CACNA1H: variants seen among roughly 807,000 people sequenced by gnomAD.
CACNA1H encodes the protein calcium voltage-gated channel subunit alpha1 H.
CACNA1H carries 149 observed loss-of-function variants against 192.5 expected under a neutral mutation model. The observed-to-expected ratio is 0.77, with a 90% CI of 0.68 to 0.89. The LOEUF is 0.89. CACNA1H is among the 40% of genes least tolerant of loss of function. CACNA1H has a pLI of 0.00. For synonymous variants in CACNA1H, 2,202 were observed against 1,475.2 expected (o/e 1.49, Z -11.29); for missense variants, 4,257 against 3,423.5 (o/e 1.24, Z -6.08).
chr16:1,174,566 C>A (rs1964679095), intron 2 of CACNA1H, among the ~76,000 whole-genome samples: 1 of 152,088 alleles, frequency 6.6e-6, no homozygotes, highest in African/African-American at 2.4e-5. Context: ...CGAAGGGAAG[C>A]CCCTGCCACG....
At chr16:1,159,360 A>T (rs1429105177) in intron 2 of CACNA1H, among the ~76,000 whole-genome samples, 1 of 147,166 alleles carries the variant, frequency 6.8e-6, no homozygotes, top group Non-Finnish European at 1.5e-5. Context: ...GGGTGTGCCG[A>T]GGGAAGAACG....
At position 1,220,010 on chromosome 16, in the gene CACNA1H, G is replaced by T; in HGVS notation, c.6078G>T (p.Gly2026=). The change falls in exon 35 of 35, where the codon GGG becomes GGT. Residue 2026 remains glycine (G), a synonymous_variant. Transcript: ENST00000348261. ...QEAVHTDSLE[G]KIDSPRDTLD... is the part of the protein sequence containing the mutation. The stretch of plus-strand genomic sequence containing the variant: ...CTGTGCACACCGATTCCTTGGAAGG[G>T]AAGATTGACAGCCCTAGGGACACCC... 2.9e-6 allele frequency: 4 copies of T among 1,355,972 alleles called. No individual in the cohort carries two copies. The highest frequency in any genetic ancestry group is 2.0e-4 in the Middle Eastern group (1 of 5,112). 84.0% of individuals were successfully genotyped at this position (1,355,972 alleles called of 1,614,324 possible).
chr16:1,187,468 C>A (rs777152463), intron 2 of CACNA1H, among the ~76,000 whole-genome samples: 8 of 152,266 alleles, frequency 5.3e-5, no homozygotes, highest in Non-Finnish European at 1.5e-5. Flanking sequence ...GCCTTTCCCG[C>A]CCACACCCCT....
chr16:1,154,053 G>T lies in CACNA1H; in HGVS notation c.299+17G>T, dbSNP rs1236846190. ...CTGCAACCCATATCCTTCCCGGCCG[G>T]CGGGGGGCGGGGGGCGGGGGGCGTG... On this transcript the variant is annotated intron_variant, in intron 2 of 34. Coordinates refer to ENST00000348261, the MANE Select transcript of CACNA1H (RefSeq NM_021098.3). 1 of 861,462 alleles carries T rather than the reference G, an allele frequency of 1.2e-6. No individual in the cohort carries two copies. The highest frequency in any genetic ancestry group is 3.1e-5 in the South Asian group (1 of 32,784). The allele number at this position is 861,462 out of a possible 1,614,324, so 53.4% of individuals were successfully genotyped here.
chr16:1,216,248 C>T (rs931375387), intron 30 of CACNA1H, among the ~76,000 whole-genome samples: 10 of 152,226 alleles, frequency 6.6e-5, no homozygotes, highest in Non-Finnish European at 1.0e-4. Flanking sequence ...TGCCTCCCAC[C>T]TCAGCTGTCC....
At chr16:1,175,411 AG>A (rs1268293292) in intron 2 of CACNA1H, among the ~76,000 whole-genome samples, 1 of 152,114 alleles carries the variant, frequency 6.6e-6, no homozygotes, top group African/African-American at 2.4e-5. Context: ...GGGGGTTGAC[AG>A]GAGACAGGGT....
chr16:1,218,778 ATGGG>A, intron 33 of CACNA1H, 127 bp downstream of exon 33: 1 of 1,159,700 alleles, frequency 8.6e-7, no homozygotes, highest in East Asian at 2.6e-5. Flanking sequence ...GGGAAGGAGG[ATGGG>A]GGCAGGCAGG....
chr16:1,217,193 G>T (rs1006895491), intron 31 of CACNA1H, among the ~76,000 whole-genome samples, 183 bp downstream of exon 31: 3 of 152,222 alleles, frequency 2.0e-5, no homozygotes, highest in African/African-American at 7.2e-5. Context: ...GCCGAGTCTC[G>T]TGTTGACGCA....
chr16:1,215,684 T>C (rs992717198), intron 30 of CACNA1H, 91 bp downstream of exon 30: 4 of 1,011,466 alleles, frequency 4.0e-6, no homozygotes, highest in Non-Finnish European at 4.5e-6. Flanking sequence ...CCTCACTCGT[T>C]TCTCTGGTCC....
intron 2 of CACNA1H, chr16:1,160,162 C>A (rs957761549): frequency 6.6e-6 from 1 of 152,236 alleles, no homozygotes; most frequent in Non-Finnish European, 1.5e-5. Flanking sequence ...CCAGGCCGTC[C>A]GTCCAGCCGC....
intron 2 of CACNA1H, among the ~76,000 whole-genome samples, chr16:1,194,438 C>T (rs1221406779): frequency 6.6e-6 from 1 of 152,176 alleles, no homozygotes; most frequent in Non-Finnish European, 1.5e-5. Context: ...GACAGGGGCC[C>T]TGGAAAGTCT....
In CACNA1H at chr16:1,204,353, C is replaced by A. The variant is rs780502055; in HGVS notation, c.2346C>A (p.Phe782Leu). 48 of 1,579,450 alleles carry A rather than the reference C, an allele frequency of 3.0e-5. No individual in the cohort carries two copies. The highest frequency in any genetic ancestry group is 4.0e-5 in the Non-Finnish European group (46 of 1,163,112). The change falls in exon 10 of 35, where the codon TTC becomes TTA. Residue 782 changes from phenylalanine to leucine, a missense_variant. Physicochemically the swap from Phe to Leu is conservative, Grantham distance 22. Coordinates refer to ENST00000348261, the MANE Select transcript of CACNA1H (RefSeq NM_021098.3). ...GGATGGGCCGCCTCTGGGTTACCTT[C>A]AGCGGCAAGCTGCGCCGCATCGTGG... ...PGWMGRLWVT[F>L]SGKLRRIVDS...
At chr16:1,187,672 C>G (rs1432563416) in intron 2 of CACNA1H, among the ~76,000 whole-genome samples, 3 of 152,296 alleles carry the variant, frequency 2.0e-5, no homozygotes, top group South Asian at 2.1e-4. Context: ...TGCTGGGATC[C>G]CTGGAGGCCA....
At chr16:1,216,006 CT>C (rs1205424617) in intron 30 of CACNA1H, among the ~76,000 whole-genome samples, 1 of 151,934 alleles carries the variant, frequency 6.6e-6, no homozygotes, top group African/African-American at 2.4e-5. Context: ...TCCTGTGCCC[CT>C]GGCCCCTGCC....
intron 5 of CACNA1H, among the ~76,000 whole-genome samples, chr16:1,197,913 T>G (rs971869029): frequency 1.3e-5 from 2 of 152,154 alleles, no homozygotes; most frequent in African/African-American, 4.8e-5. Context: ...ACCCACTTGC[T>G]GGATTAATCT....
At chr16:1,218,843 G>C (rs905559602) in intron 33 of CACNA1H, 127 bp from the exon 34 acceptor site, 101 of 1,182,302 alleles carry the variant, frequency 8.5e-5, no homozygotes, top group Non-Finnish European at 1.2e-4. Context: ...AGGTGAGAGA[G>C]AGGACGGGTC....
intron 2 of CACNA1H, among the ~76,000 whole-genome samples, chr16:1,194,670 C>G (rs897641799): frequency 1.3e-5 from 2 of 152,164 alleles, no homozygotes; most frequent in Non-Finnish European, 2.9e-5. Flanking sequence ...GCCTCACTAC[C>G]GATGCGGCCA....
At chr16:1,199,626 C>G (rs927665631) in intron 6 of CACNA1H, among the ~76,000 whole-genome samples, 1 of 150,792 alleles carries the variant, frequency 6.6e-6, no homozygotes, top group African/African-American at 2.4e-5. Context: ...GGCCCTTGCT[C>G]TGCAGTCTCT....
At chr16:1,172,378 G>A (rs959734171) in intron 2 of CACNA1H, among the ~76,000 whole-genome samples, 4 of 152,128 alleles carry the variant, frequency 2.6e-5, no homozygotes, top group South Asian at 4.1e-4. Context: ...CTCTCACGCC[G>A]TCCCTAGGCT....
Sources: allele counts gnomAD v4.1 joint callset (sites outside exome capture counted in the v4.1 genomes callset), GRCh38; gene constraint gnomAD v4.1.1; transcripts MANE v1.5; gene names NCBI Gene and HGNC (gene_info 2026-07-23, HGNC 2026-07-21).